TRIOBP: variants seen among roughly 807,000 people sequenced by gnomAD.
The protein encoded by TRIOBP is TRIO and F-actin binding protein.
Under a neutral mutation model 238.8 loss-of-function variants are expected in TRIOBP, and 169 were observed. The observed-to-expected ratio is 0.71, with a 90% CI of 0.62 to 0.80. The LOEUF is 0.80. TRIOBP is among the 30% of genes least tolerant of loss of function. TRIOBP has a pLI of 0.00. For synonymous variants in TRIOBP, 1,150 were observed against 1,274.4 expected (o/e 0.90, Z 2.08); for missense variants, 2,838 against 3,122.6 (o/e 0.91, Z 2.17).
chr22:37,727,066 C>G (rs1470285191), intron 7 of TRIOBP, among the ~76,000 whole-genome samples: 5 of 151,690 alleles, frequency 3.3e-5, no homozygotes, highest in Admixed American at 3.3e-4. Flanking sequence ...GCCACCACAC[C>G]CGGCTAATTT....
At position 37,769,134 on chromosome 22, in the gene TRIOBP, C is replaced by T. The variant is rs1372818913; in HGVS notation, c.6682C>T (p.His2228Tyr). Residue 2228 changes from histidine (H) to tyrosine (Y), a missense_variant, in exon 20 of 24, where the codon CAC becomes TAC. Coordinates refer to ENST00000644935, the MANE Select transcript of TRIOBP (RefSeq NM_001039141.3). ...ALMRQAEERE[H>Y]TLRRCQQEGQ... ...CATGCGGCAGGCTGAGGAGCGCGAG[C>T]ACACGCTGCGCCGCTGCCAGCAGGA... The T allele has an allele frequency of 1.9e-6, 3 of 1,612,860 alleles. No homozygotes were observed. The highest frequency in any genetic ancestry group is 1.7e-6 in the Non-Finnish European group (2 of 1,179,876).
chr22:37,764,999 C>G (rs1312424013), intron 17 of TRIOBP, among the ~76,000 whole-genome samples: 1 of 152,132 alleles, frequency 6.6e-6, no homozygotes, highest in African/African-American at 2.4e-5. Flanking sequence ...AAAAACATTC[C>G]AGGCCGGGCA....
rs2145889174 is a variant in TRIOBP, at chr22:37,775,848, C to G, written c.*2068C>G. The G allele has an allele frequency of 6.6e-6, 1 of 151,910 alleles. No homozygotes were observed. The highest frequency in any genetic ancestry group is 2.1e-4 in the South Asian group (1 of 4,814). The allele number at this position is 151,910 out of a possible 1,614,324, so 9.4% of individuals were successfully genotyped here. Reference sequence around the variant, plus strand: ...ACCTCTCTCCTGGCCCTGTCGCCATCTTCCCTCATCAATAGCTAAAAATGG... The same window carrying G: ...ACCTCTCTCCTGGCCCTGTCGCCATGTTCCCTCATCAATAGCTAAAAATGG... On this transcript the variant is annotated 3_prime_UTR_variant, in exon 24 of 24. Transcript: ENST00000644935.
chr22:37,757,960 C>G lies in TRIOBP; in HGVS notation c.6035C>G (p.Ala2012Gly). 1 of 1,569,606 alleles carries G rather than the reference C, an allele frequency of 6.4e-7. No individual in the cohort carries two copies. Among genetic ancestry groups the G allele is most frequent in the Non-Finnish European group, 8.6e-7 (1 of 1,158,148 alleles). ...AGEGPRRGLG[A>G]PLTEDQQNRL... ...GAGGGGCCGCGCCGGGGCCTGGGTG[C>G]CCCCCTGACTGAGGACCAGCAAAAC... Residue 2012 changes from alanine (A) to glycine (G), a missense_variant, in exon 16 of 24, where the codon GCC becomes GGC. Around this residue, in one of 5 missense-constraint regions of TRIOBP, gnomAD observed 2,096 missense variants for 2,137.4 expected, o/e 0.98. Transcript: ENST00000644935.
At chr22:37,700,040 A>C (rs929577979) in intron 2 of TRIOBP, among the ~76,000 whole-genome samples, 1 of 151,092 alleles carries the variant, frequency 6.6e-6, no homozygotes, top group African/African-American at 2.4e-5. Flanking sequence ...TACCACGCCC[A>C]GCTAATTTTT....
At chr22:37,707,211 G>A (rs907188062) in intron 3 of TRIOBP, among the ~76,000 whole-genome samples, 3 of 152,118 alleles carry the variant, frequency 2.0e-5, no homozygotes, top group African/African-American at 7.2e-5. Context: ...GGGAGGCGGA[G>A]GTTGCAGTGA....
At chr22:37,710,215 C>A (rs1293191654) in intron 3 of TRIOBP, among the ~76,000 whole-genome samples, 1 of 152,256 alleles carries the variant, frequency 6.6e-6, no homozygotes, top group African/African-American at 2.4e-5. Flanking sequence ...CATATGTGTA[C>A]ACTCACGTGT....
At chr22:37,718,843 GTTTT>G (rs71195044) in intron 6 of TRIOBP, among the ~76,000 whole-genome samples, 1 of 103,348 alleles carries the variant, frequency 9.7e-6, no homozygotes, top group Middle Eastern at 5.1e-3. Context: ...ACTGGGGCTT[GTTTT>G]TTTTTTTTTT....
intron 17 of TRIOBP, among the ~76,000 whole-genome samples, chr22:37,764,363 C>G (rs547882130): frequency 1.2e-4 from 18 of 152,312 alleles, no homozygotes; most frequent in African/African-American, 3.4e-4. Context: ...GATCATACCA[C>G]GTGTATGTCA....
chr22:37,732,459 G>A (rs1024746735), intron 7 of TRIOBP, among the ~76,000 whole-genome samples: 7 of 141,400 alleles, frequency 5.0e-5, no homozygotes, highest in Admixed American at 7.6e-5. Flanking sequence ...GCAGTGAGCC[G>A]AGATCGCGCC....
At chr22:37,751,892 C>A in intron 12 of TRIOBP, 64 bp downstream of exon 12, 1 of 1,577,110 alleles carries the variant, frequency 6.3e-7, no homozygotes, top group Non-Finnish European at 8.7e-7. Flanking sequence ...CCTGGGCAGC[C>A]CAGGAGTGGG....
chr22:37,713,562 C>G, intron 5 of TRIOBP, 151 bp downstream of exon 5: 1 of 958,474 alleles, frequency 1.0e-6, no homozygotes, highest in Non-Finnish European at 1.6e-6. Context: ...CTCGGGCCAC[C>G]CCGGCGAACC....
intron 21 of TRIOBP, 81 bp downstream of exon 21, chr22:37,769,456 A>G: frequency 1.5e-6 from 2 of 1,358,122 alleles, no homozygotes; most frequent in Non-Finnish European, 2.0e-6. Flanking sequence ...TAGGCTGGGT[A>G]TCACCTGTGG....
At chr22:37,759,864 G>T in intron 17 of TRIOBP, 1 of 756,910 alleles carries the variant, frequency 1.3e-6, no homozygotes. Context: ...ACGTGTGTGT[G>T]TACACATATA....
chr22:37,755,166 G>A lies in TRIOBP; in HGVS notation c.5553G>A (p.Gln1851=), dbSNP rs1252577174. 6.2e-7 allele frequency: 1 copy of A among 1,613,138 alleles called. No homozygotes were observed. Among genetic ancestry groups the A allele is most frequent in the East Asian group, 2.2e-5 (1 of 44,794 alleles). The change falls in exon 14 of 24, where the codon CAG becomes CAA. Residue 1851 remains glutamine (Q), a synonymous_variant. Transcript: ENST00000644935. ...SCTDVTEYAV[Q]RNYGFQIHTK... Reference sequence around the variant, plus strand: ...CGGATGTCACTGAGTACGCGGTGCAGCGCAACTATGGCTTCCAGATCCACG... The same window carrying A: ...CGGATGTCACTGAGTACGCGGTGCAACGCAACTATGGCTTCCAGATCCACG...
rs895641400 is a variant in TRIOBP at position 37,775,605 on chromosome 22, G to C, written c.*1825G>C. On this transcript the variant is annotated 3_prime_UTR_variant, in exon 24 of 24. Coordinates refer to ENST00000644935, the MANE Select transcript of TRIOBP (RefSeq NM_001039141.3). ...GTTCGAGACCAGCCTGGCCAACATG[G>C]TGAAACCCCGTCTCTACTAAAAATA... 2 of 152,188 alleles carry C rather than the reference G, an allele frequency of 1.3e-5. No homozygotes were observed. Among genetic ancestry groups the C allele is most frequent in the African/African-American group, 4.8e-5 (2 of 41,442 alleles). 9.4% of individuals were successfully genotyped at this position (152,188 alleles called of 1,614,324 possible).
chr22:37,733,254 G>A (rs2145841172), intron 7 of TRIOBP, 44 bp from the exon 8 acceptor site: 1 of 1,446,154 alleles, frequency 6.9e-7, no homozygotes, highest in Non-Finnish European at 9.5e-7. Context: ...TGGGGTGCTG[G>A]GAGTGGGACA....
At chr22:37,769,955 C>T (rs955160423) in intron 21 of TRIOBP, among the ~76,000 whole-genome samples, 7 of 151,642 alleles carry the variant, frequency 4.6e-5, no homozygotes, top group African/African-American at 1.5e-4. Context: ...TCTCGAACTC[C>T]GGACCTCAAG....
At position 37,726,442 on chromosome 22, in the gene TRIOBP, G is replaced by C. The variant is rs775572528; in HGVS notation, c.3886G>C (p.Gly1296Arg). The C allele has an allele frequency of 1.3e-6, 2 of 1,574,364 alleles. No individual in the cohort carries two copies. The highest frequency in any genetic ancestry group is 2.7e-5 in the African/African-American group (2 of 74,390). Residue 1296 changes from glycine to arginine, a missense_variant, in exon 7 of 24, where the codon GGG (glycine) becomes CGG (arginine). This residue lies in a region of TRIOBP where 2,096 missense variants were observed against 2,137.4 expected (regional missense o/e 0.98). Coordinates refer to ENST00000644935, the MANE Select transcript of TRIOBP (RefSeq NM_001039141.3). ...QPGPQAQCSS[G>R]GRTHSPGRAE... ...AGGGCCCCAGGCGCAGTGCAGCAGCGGGGGCCGCACCCACAGCCCTGGCCG... is the reference window on the plus strand; with the variant it reads ...AGGGCCCCAGGCGCAGTGCAGCAGCCGGGGCCGCACCCACAGCCCTGGCCG...
Sources: allele counts gnomAD v4.1 joint callset (sites outside exome capture counted in the v4.1 genomes callset), GRCh38; gene constraint gnomAD v4.1.1; regional missense constraint gnomAD v4.1.1; transcripts MANE v1.5; gene names NCBI Gene and HGNC (gene_info 2026-07-23, HGNC 2026-07-21).